Variants in FGFR2 observed in about 807,000 individuals in gnomAD.
FGFR2 encodes the protein BEK fibroblast growth factor receptor.
Under a neutral mutation model 95.9 loss-of-function variants are expected in FGFR2, and 19 were observed. The ratio of observed to expected loss-of-function variants is 0.20; its 90% CI spans 0.14 to 0.29. The LOEUF (loss-of-function observed/expected upper bound fraction) is 0.29. Among genes scored for constraint, FGFR2 ranks in the 10% least tolerant of loss-of-function variants. The pLI is 1.00. For synonymous variants in FGFR2, 392 were observed against 393.3 expected, an observed-to-expected ratio of 1.00 and a Z score of 0.04; for missense variants, 707 against 1,056.9, an observed-to-expected ratio of 0.67 and a Z score of 4.59.
Position 121,520,101 on chromosome 10 carries a change from C to T in FGFR2, c.817G>A (p.Asp273Asn), listed in dbSNP as rs2134315505. ...TAAACCTTGCAGACAAACTCTACGT[C>T]TCCTCCGACCACTGTGGAGGCATTT... ...PANASTVVGG[D>N]VEFVCKVYSD... Residue 273 changes from aspartate to asparagine, a missense_variant, in exon 7 of 18, where the codon GAC (aspartate) becomes AAC (asparagine). By Grantham distance (23) the Asp-to-Asn change is conservative (BLOSUM62 1). Transcript: ENST00000358487. 6.2e-7 allele frequency: 1 copy of T among 1,614,220 alleles called. No individual in the cohort carries two copies. Among genetic ancestry groups the T allele is most frequent in the Non-Finnish European group, 8.5e-7 (1 of 1,180,028 alleles).
chr10:121,579,236 G>T (rs536092341), intron 2 of FGFR2, among the ~76,000 whole-genome samples: 88 of 152,306 alleles, frequency 5.8e-4, no homozygotes, highest in African/African-American at 2.1e-3. Context: ...TAAAGTGAGG[G>T]GCACGTCTGA....
Position 121,487,439 on chromosome 10 carries a change from G to GAAAATGCAAA in FGFR2, c.1987-25_1987-16dup. The stretch of plus-strand genomic sequence containing the variant: ...GGAAGCCGCCCCTGCAAATGTAGAG[G>GAAAATGCAAA]AAAATGCAAAAACTAAATATATTTA... On this transcript the variant is annotated splice_polypyrimidine_tract_variant and intron_variant, in intron 14 of 17. Coordinates refer to ENST00000358487, the MANE Select transcript of FGFR2 (RefSeq NM_000141.5). 6.2e-7 allele frequency: 1 copy of GAAAATGCAAA among 1,611,258 alleles called. No homozygotes were observed. The highest frequency in any genetic ancestry group is 8.5e-7 in the Non-Finnish European group (1 of 1,177,712).
intron 2 of FGFR2, among the ~76,000 whole-genome samples, chr10:121,576,402 T>C (rs1859764953): frequency 6.6e-6 from 1 of 152,154 alleles, no homozygotes; most frequent in Non-Finnish European, 1.5e-5. Flanking sequence ...AAAATACACT[T>C]GCTGGACATA....
At chr10:121,561,984 C>T (rs1283517476) in intron 4 of FGFR2, among the ~76,000 whole-genome samples, 1 of 152,146 alleles carries the variant, frequency 6.6e-6, no homozygotes, top group African/African-American at 2.4e-5. Context: ...ATTAAAACAA[C>T]AAAATACCAT....
chr10:121,481,853 T>G (rs1844758247), intron 17 of FGFR2: 1 of 197,170 alleles, frequency 5.1e-6, no homozygotes, highest in East Asian at 1.1e-4. Context: ...TTTTTTTTTT[T>G]TGAGACGGAG....
At chr10:121,491,627 T>C (rs189772499) in intron 13 of FGFR2, among the ~76,000 whole-genome samples, 1 of 152,226 alleles carries the variant, frequency 6.6e-6, no homozygotes, top group East Asian at 1.9e-4. Context: ...TCCCAGCACT[T>C]TGGGAGGCCA....
rs1481581187 is a variant in FGFR2 at position 121,500,881 on chromosome 10, T to G, written c.1506A>C (p.Gly502=). 1 of 1,614,222 alleles carries G rather than the reference T, an allele frequency of 6.2e-7. No homozygotes were observed. Among genetic ancestry groups the G allele is most frequent in the South Asian group, 1.1e-5 (1 of 91,088 alleles). The change falls in exon 11 of 18, where the codon GGA becomes GGC. Residue 502 remains glycine, a synonymous_variant. Transcript: ENST00000358487. ...CCTCCTTGGGCTTGTCTTTGTCAAT[T>G]CCCACTGCTTCCGCCATGACCACTT... The part of the protein sequence containing the change: ...FGQVVMAEAV[G]IDKDKPKEAV...
chr10:121,595,530 TC>T (rs1476911494), intron 1 of FGFR2, among the ~76,000 whole-genome samples: 1 of 152,240 alleles, frequency 6.6e-6, no homozygotes, highest in Non-Finnish European at 1.5e-5. Context: ...GCATGTGCTT[TC>T]AGATAGCTTG....
chr10:121,487,058 G>C (rs559557909), intron 15 of FGFR2, among the ~76,000 whole-genome samples: 1 of 152,204 alleles, frequency 6.6e-6, no homozygotes, highest in African/African-American at 2.4e-5. Flanking sequence ...AGAGCTTGGC[G>C]AATTAGATAA....
chr10:121,585,379 G>T (rs1331139635), intron 2 of FGFR2, among the ~76,000 whole-genome samples: 1 of 152,176 alleles, frequency 6.6e-6, no homozygotes, highest in Non-Finnish European at 1.5e-5. Flanking sequence ...GGAAATATTG[G>T]TAATATTGTA....
rs41295587 is a variant in FGFR2, at chr10:121,503,976, T to C, written c.1288-35A>G. 1,313 of 1,612,482 alleles carry C rather than the reference T, an allele frequency of 8.1e-4. 4 individuals carry two copies. The African/African-American group carries it at 0.016, about 19-fold the overall frequency. ...AAATGCAAAGACACAGATGTAATCC[T>C]GGCTCCATCTGAGAAGGCTGGAAGT... On this transcript the variant is annotated intron_variant, in intron 9 of 17. Coordinates refer to ENST00000358487, the MANE Select transcript of FGFR2 (RefSeq NM_000141.5).
At chr10:121,578,679 A>C (rs1320409727) in intron 2 of FGFR2, among the ~76,000 whole-genome samples, 1 of 152,204 alleles carries the variant, frequency 6.6e-6, no homozygotes, top group Admixed American at 6.5e-5. Context: ...GGAGGCCAAG[A>C]CAGGTGGGTC....
intron 2 of FGFR2, among the ~76,000 whole-genome samples, chr10:121,570,988 T>C (rs1458351790): frequency 6.7e-6 from 1 of 148,370 alleles, no homozygotes; most frequent in African/African-American, 2.5e-5. Context: ...CAAGCAGCCT[T>C]TTTTTTCTTT....
chr10:121,485,563 T>C lies in FGFR2; in HGVS notation c.2058-31A>G, dbSNP rs3135806. On this transcript the variant is annotated intron_variant, in intron 15 of 17. Transcript: ENST00000358487. This position sits in a 1 kb window ranked among gnomAD's most constrained non-coding sequence, Gnocchi z 4.2. The stretch of plus-strand genomic sequence containing the variant: ...ACAAAAGGAGAAAGCACGGCATTAC[T>C]AACCCATCCACGTTGCCAAAACCTA... 27,833 of 1,613,996 alleles carry C rather than the reference T, an allele frequency of 0.017. 306 individuals are homozygous for C. Among genetic ancestry groups the C allele is most frequent in the Non-Finnish European group, 0.019 (22,010 of 1,179,934 alleles).
chr10:121,588,169 T>G (rs936437585), intron 2 of FGFR2, among the ~76,000 whole-genome samples: 8 of 152,106 alleles, frequency 5.3e-5, no homozygotes, highest in African/African-American at 1.9e-4. Context: ...ATATTCTCAT[T>G]TATAAGTGGG....
chr10:121,571,304 T>C (rs1211899678), intron 2 of FGFR2, among the ~76,000 whole-genome samples: 9 of 130,246 alleles, frequency 6.9e-5, no homozygotes, highest in African/African-American at 2.6e-4. Flanking sequence ...CTTTTTTTTT[T>C]TTTTTTTTTT....
intron 2 of FGFR2, among the ~76,000 whole-genome samples, chr10:121,581,014 C>G (rs1860767472): frequency 6.6e-6 from 1 of 152,202 alleles, no homozygotes; most frequent in Non-Finnish European, 1.5e-5. Context: ...CCTGGCCTGA[C>G]TCCCCTGGCC....
At chr10:121,506,928 T>G (rs1266884911) in intron 9 of FGFR2, among the ~76,000 whole-genome samples, 3 of 152,236 alleles carry the variant, frequency 2.0e-5, no homozygotes, top group African/African-American at 7.2e-5. Flanking sequence ...AATAAGGATC[T>G]GAGCTGAGGC....
At chr10:121,526,376 G>T (rs1851369710) in intron 6 of FGFR2, among the ~76,000 whole-genome samples, 1 of 152,188 alleles carries the variant, frequency 6.6e-6, no homozygotes, top group Non-Finnish European at 1.5e-5. Context: ...GCCGATCAAA[G>T]CTCTCTGAAG....
Sources: gnomAD v4.1 joint callset for allele counts (sites outside exome capture counted in the v4.1 genomes callset) on GRCh38, gnomAD v4.1.1 for gene constraint, Gnocchi (gnomAD v3.1) non-coding constraint, MANE v1.5 for transcripts, NCBI Gene and HGNC (gene_info 2026-07-23, HGNC 2026-07-21) for gene names.